The following TSHZ2 variants were observed in gnomAD, a reference collection of about 807,000 sequenced individuals.
TSHZ2 encodes teashirt homolog 2.
A neutral mutation model predicts 74.4 loss-of-function variants in TSHZ2; 21 were observed. That is an observed-to-expected ratio of 0.28 (90% CI 0.20 to 0.41). The LOEUF is 0.41. Ranked by LOEUF, TSHZ2 falls within the 10% of genes least tolerant of loss-of-function variation. The pLI, the probability that TSHZ2 is intolerant of heterozygous loss-of-function variation, is 1.00. For missense variants in TSHZ2, 1,244 were observed against 1,293.5 expected, an observed-to-expected ratio of 0.96 and a Z score of 0.59; for synonymous variants, 540 against 515.3, an observed-to-expected ratio of 1.05 and a Z score of -0.65.
At chr20:53,297,883 C>T (rs1991408894) in intron 2 of TSHZ2, among the ~76,000 whole-genome samples, 1 of 152,202 alleles carries the variant, frequency 6.6e-6, no homozygotes, top group Admixed American at 6.5e-5. Flanking sequence ...TCCCTCAACC[C>T]TGGAAGGTTT....
chr20:53,360,672 C>G (rs1981016006), intron 2 of TSHZ2, among the ~76,000 whole-genome samples: 1 of 152,152 alleles, frequency 6.6e-6, no homozygotes, highest in Admixed American at 6.5e-5. Context: ...GATTATCTTA[C>G]CTAATTCTTA....
chr20:52,995,508 G>T (rs929062994), intron 1 of TSHZ2, among the ~76,000 whole-genome samples: 4 of 152,162 alleles, frequency 2.6e-5, no homozygotes. Context: ...TGCAGAGCCA[G>T]CAGAGTCCAT....
At chr20:53,024,138 T>A (rs760047845) in intron 1 of TSHZ2, among the ~76,000 whole-genome samples, 5 of 151,944 alleles carry the variant, frequency 3.3e-5, no homozygotes, top group Non-Finnish European at 5.9e-5. Context: ...AAAGCTGTAC[T>A]CATAACCAGA....
intron 2 of TSHZ2, among the ~76,000 whole-genome samples, chr20:53,402,355 C>A (rs895207626): frequency 1.3e-5 from 2 of 152,170 alleles, no homozygotes; most frequent in African/African-American, 4.8e-5. Flanking sequence ...TCTAGATACA[C>A]AAATACTCAC....
intron 2 of TSHZ2, among the ~76,000 whole-genome samples, chr20:53,480,824 T>C (rs1986129522): frequency 6.6e-6 from 1 of 152,180 alleles, no homozygotes; most frequent in African/African-American, 2.4e-5. Context: ...GCCAAAATGC[T>C]GTGCCAGGGG....
At chr20:53,096,710 C>T (rs968571089) in intron 1 of TSHZ2, among the ~76,000 whole-genome samples, 22 of 151,786 alleles carry the variant, frequency 1.4e-4, no homozygotes, top group African/African-American at 5.1e-4. Context: ...TGGTGAAACT[C>T]GTCTCTACTA....
Position 52,972,423 on chromosome 20 carries a change from G to GC in TSHZ2, c.-871_-870insC, listed in dbSNP as rs1491562314. ...CCCTGTCTTGTGTGTGTGTGCGAGG[G>GC]TGTGTGTGTGTGTTTGTGTGTGTGT... On this transcript the variant is annotated 5_prime_UTR_variant, in exon 1 of 3. It introduces an in-frame stop codon into an upstream open reading frame of the 5' UTR. Transcript: ENST00000371497. 1 of 143,972 alleles carries GC rather than the reference G, an allele frequency of 6.9e-6. No homozygotes were observed. The highest frequency in any genetic ancestry group is 2.1e-4 in the East Asian group (1 of 4,664). 8.9% of individuals were successfully genotyped at this position (143,972 alleles called of 1,614,324 possible).
chr20:53,392,272 C>G (rs1207367128), intron 2 of TSHZ2, among the ~76,000 whole-genome samples: 1 of 152,116 alleles, frequency 6.6e-6, no homozygotes, highest in Admixed American at 6.6e-5. Context: ...TGGTGAAACC[C>G]CATCTCTACT....
At chr20:53,450,342 C>A (rs910264376) in intron 2 of TSHZ2, among the ~76,000 whole-genome samples, 2 of 152,192 alleles carry the variant, frequency 1.3e-5, no homozygotes, top group Non-Finnish European at 2.9e-5. Flanking sequence ...ATTTTGATTG[C>A]TTTGGCAATG....
intron 1 of TSHZ2, among the ~76,000 whole-genome samples, chr20:53,238,442 C>T (rs894817328): frequency 2.0e-5 from 3 of 152,016 alleles, no homozygotes; most frequent in Non-Finnish European, 2.9e-5. Flanking sequence ...CCATTTCCAC[C>T]TTTGAGTCAT....
At chr20:53,050,146 TATATATACAC>T (rs1984399804) in intron 1 of TSHZ2, among the ~76,000 whole-genome samples, 1 of 96,942 alleles carries the variant, frequency 1.0e-5, no homozygotes, top group East Asian at 4.9e-4. Context: ...TATGTGTATA[TATATATACAC>T]ATATATATGT....
intron 2 of TSHZ2, among the ~76,000 whole-genome samples, chr20:53,260,749 G>A (rs1235445054): frequency 6.6e-6 from 1 of 152,166 alleles, no homozygotes; most frequent in Non-Finnish European, 1.5e-5. Flanking sequence ...AAAGCCCATA[G>A]TAGGTTTACA....
chr20:53,455,767 G>A (rs1441186163), intron 2 of TSHZ2, among the ~76,000 whole-genome samples: 1 of 150,062 alleles, frequency 6.7e-6, no homozygotes, highest in Non-Finnish European at 1.5e-5. Context: ...GTGTCCATGT[G>A]ATCTCATTGT....
Position 53,472,995 on chromosome 20 carries a change from G to C in TSHZ2, c.*9-14149G>C, listed in dbSNP as rs200276957. Among the ~76,000 whole-genome samples, 123 of 151,926 alleles carry C rather than the reference G, an allele frequency of 8.1e-4. 1 individual carries two copies. The highest frequency in any genetic ancestry group is 1.5e-3 in the African/African-American group (62 of 41,376). On this transcript the variant is annotated intron_variant, in intron 2 of 2. Coordinates refer to ENST00000371497, the MANE Select transcript of TSHZ2 (RefSeq NM_173485.6). ...ACGAGATTATATCCCGCACCTGGCT[G>C]GGAGGGTCCTACGCCCACGGAGTCT...
chr20:53,214,584 G>C (rs573420091), intron 1 of TSHZ2, among the ~76,000 whole-genome samples: 1 of 152,124 alleles, frequency 6.6e-6, no homozygotes, highest in African/African-American at 2.4e-5. Flanking sequence ...ATGGTGGCAC[G>C]TGCCTTTAAT....
At chr20:53,370,972 T>G (rs947193114) in intron 2 of TSHZ2, among the ~76,000 whole-genome samples, 1 of 152,162 alleles carries the variant, frequency 6.6e-6, no homozygotes, top group African/African-American at 2.4e-5. Context: ...CTGAAGATGC[T>G]AGGGATGAGC....
intron 1 of TSHZ2, among the ~76,000 whole-genome samples, chr20:53,113,153 T>G (rs1212114395): frequency 6.6e-6 from 1 of 152,220 alleles, no homozygotes; most frequent in Non-Finnish European, 1.5e-5. Context: ...TAGAAATAGG[T>G]GGTCTTAATG....
At chr20:53,109,830 G>A (rs1986481301) in intron 1 of TSHZ2, among the ~76,000 whole-genome samples, 1 of 152,082 alleles carries the variant, frequency 6.6e-6, no homozygotes, top group African/African-American at 2.4e-5. Flanking sequence ...CTTTTGCTCT[G>A]TTCTTCCTCC....
At chr20:52,994,905 C>T (rs1445843788) in intron 1 of TSHZ2, among the ~76,000 whole-genome samples, 1 of 152,210 alleles carries the variant, frequency 6.6e-6, no homozygotes, top group African/African-American at 2.4e-5. Flanking sequence ...TTACAGTGCA[C>T]TTGAGGCTCA....
Sources: gnomAD v4.1 joint callset for allele counts (sites outside exome capture counted in the v4.1 genomes callset) on GRCh38, gnomAD v4.1.1 for gene constraint, MANE v1.5 for transcripts, NCBI Gene and HGNC (gene_info 2026-07-23, HGNC 2026-07-21) for gene names.